RPS29: variants seen among roughly 807,000 people sequenced by gnomAD.
RPS29 encodes small ribosomal subunit protein uS14.
For missense variants in RPS29, 60 were observed against 75.7 expected (o/e 0.79, Z 0.77); for synonymous variants, 37 against 26.9 (o/e 1.37, Z -1.16).
chr14:49,579,943 AATG>A (rs1278736024), downstream of RPS29, among the ~76,000 whole-genome samples: 2 of 152,320 alleles, frequency 1.3e-5, no homozygotes, highest in South Asian at 2.1e-4. Context: ...TTGGCTATGT[AATG>A]ATGATAATAC....
exon 3 of RPS29, chr14:49,577,786 G>T: frequency 6.3e-7 from 1 of 1,595,498 alleles, no homozygotes; most frequent in Non-Finnish European, 8.6e-7. Context: ...GCGGTCTCAG[G>T]ATGGCCATGA....
chr14:49,582,018 A>ACC (rs1566478916), downstream of RPS29, among the ~76,000 whole-genome samples: 289 of 147,816 alleles, frequency 2.0e-3, 3 homozygotes, highest in Non-Finnish European at 3.0e-3. Flanking sequence ...CCCCCAAAAA[A>ACC]AAAAAAAAAA....
chr14:49,583,764 T>C (rs1881415813), intron 2 of RPS29, 89 bp from the exon 3 acceptor site: 4 of 841,908 alleles, frequency 4.8e-6, no homozygotes, highest in East Asian at 2.4e-5. Context: ...TAGAATGTTA[T>C]AGAATTACAG....
chr14:49,580,956 T>A (rs182446103), downstream of RPS29, among the ~76,000 whole-genome samples: 1 of 150,760 alleles, frequency 6.6e-6, no homozygotes, highest in African/African-American at 2.4e-5. Flanking sequence ...GAGGCCAAGG[T>A]AGGCAGATCA....
chr14:49,572,008 T>C (rs1486617332), exon 3 of RPS29: 1 of 152,262 alleles, frequency 6.6e-6, no homozygotes, highest in African/African-American at 2.4e-5. Flanking sequence ...TGAAGTGCAG[T>C]GGCACCATCT....
chr14:49,580,408 C>T (rs1594568671), downstream of RPS29, among the ~76,000 whole-genome samples: 1 of 152,312 alleles, frequency 6.6e-6, no homozygotes, highest in East Asian at 1.9e-4. Context: ...CTGGCTCTTT[C>T]CTAGACACTT....
chr14:49,582,012 C>CCAAAAAAAAAAA (rs71115379), downstream of RPS29, among the ~76,000 whole-genome samples: 21 of 106,504 alleles, frequency 2.0e-4, no homozygotes, highest in African/African-American at 9.1e-4. Flanking sequence ...CCCTGCCCCC[C>CCAAAAAAAAAAA]AAAAAAAAAA....
intron 1 of RPS29, among the ~76,000 whole-genome samples, chr14:49,595,488 T>C (rs1423639796): frequency 6.6e-6 from 1 of 152,132 alleles, no homozygotes; most frequent in Non-Finnish European, 1.5e-5. Flanking sequence ...GCACCTGTAG[T>C]CTCAGCTACT....
chr14:49,586,758 G>A, upstream of RPS29: 4 of 236,090 alleles, frequency 1.7e-5, no homozygotes, highest in South Asian at 1.6e-4. Flanking sequence ...CCTAAGGAGG[G>A]GTGAACCGGC....
chr14:49,571,742 C>T (rs1305176063), exon 3 of RPS29: 1 of 152,116 alleles, frequency 6.6e-6, no homozygotes, highest in Non-Finnish European at 1.5e-5. Flanking sequence ...GGTGACACAC[C>T]CGATTCCACA....
At chr14:49,594,220 A>G (rs1229656604) in intron 1 of RPS29, among the ~76,000 whole-genome samples, 3 of 152,116 alleles carry the variant, frequency 2.0e-5, no homozygotes, top group Non-Finnish European at 4.4e-5. Context: ...TCTACCTCCA[A>G]AATCATCTTT....
chr14:49,572,442 G>T (rs1881077149), exon 3 of RPS29: 1 of 152,154 alleles, frequency 6.6e-6, no homozygotes. Flanking sequence ...TTACTTTTAT[G>T]AGCTTTTTTT....
exon 3 of RPS29, chr14:49,573,532 A>C (rs1239748589): frequency 6.6e-6 from 1 of 152,060 alleles, no homozygotes; most frequent in Non-Finnish European, 1.5e-5. Flanking sequence ...ACCAACAATT[A>C]AACCACACTG....
At chr14:49,591,188 TTAAATA>T (rs1176731958), upstream of RPS29, among the ~76,000 whole-genome samples, 1 of 152,144 alleles carries the variant, frequency 6.6e-6, no homozygotes, top group Non-Finnish European at 1.5e-5. Flanking sequence ...CATGCATACA[TTAAATA>T]TATTATCAAA....
At chr14:49,585,467 C>G (rs1388200378) in intron 2 of RPS29, 1 of 186,274 alleles carries the variant, frequency 5.4e-6, no homozygotes, top group Non-Finnish European at 1.1e-5. Flanking sequence ...TTAGTCCCAG[C>G]TACTCGGGAC....
At chr14:49,596,708 A>T (rs889444240) in intron 1 of RPS29, among the ~76,000 whole-genome samples, 5 of 151,532 alleles carry the variant, frequency 3.3e-5, no homozygotes, top group Non-Finnish European at 7.4e-5. Flanking sequence ...TCATCTATTT[A>T]TTTAATTACT....
upstream of RPS29, among the ~76,000 whole-genome samples, chr14:49,587,978 A>G (rs1186914760): frequency 2.0e-5 from 3 of 152,338 alleles, no homozygotes; most frequent in East Asian, 5.8e-4. Flanking sequence ...ATGAAAAGGT[A>G]TTTTATTTTA....
downstream of RPS29, among the ~76,000 whole-genome samples, chr14:49,579,804 C>G (rs1260535021): frequency 1.3e-5 from 2 of 152,208 alleles, no homozygotes; most frequent in Non-Finnish European, 2.9e-5. Context: ...AGTCCTCTAA[C>G]CATACAATAA....
upstream of RPS29, among the ~76,000 whole-genome samples, chr14:49,587,821 C>G (rs1228112289): frequency 6.6e-6 from 1 of 152,164 alleles, no homozygotes; most frequent in Non-Finnish European, 1.5e-5. Context: ...TTTGAGAGAC[C>G]TTTGAGGTAG....
Sources: gnomAD v4.1 joint callset for allele counts (sites outside exome capture counted in the v4.1 genomes callset) on GRCh38, gnomAD v4.1.1 for gene constraint, MANE v1.5 for transcripts, NCBI Gene and HGNC (gene_info 2026-07-23, HGNC 2026-07-21) for gene names.